SRRD: variants seen among roughly 807,000 people sequenced by gnomAD.
SRRD encodes SRR1 domain containing.
SRRD carries 28 observed loss-of-function variants against 30.7 expected under a neutral mutation model. The observed-to-expected ratio is 0.91, with a 90% CI of 0.68 to 1.25. The LOEUF is 1.25. SRRD is among the 50% of genes most tolerant of loss of function. The pLI, the probability that SRRD is intolerant of heterozygous loss-of-function variation, is 0.00. For synonymous variants in SRRD, 161 were observed against 159.6 expected (o/e 1.01, Z -0.07); for missense variants, 415 against 417.3 (o/e 0.99, Z 0.05).
chr22:26,494,582 CT>C lies in SRRD; in HGVS notation c.*2911del. On this transcript the variant is annotated 3_prime_UTR_variant, in exon 7 of 7. Transcript: ENST00000215917. The stretch of plus-strand genomic sequence containing the variant: ...TACCCCATAGGGTTGCTGAGAGGAG[CT>C]GAGATAAAGCAAATAAAGTGCTTGG... 1 of 749,174 alleles carries C rather than the reference CT, an allele frequency of 1.3e-6. No individual in the cohort carries two copies. The highest frequency in any genetic ancestry group is 2.1e-6 in the Non-Finnish European group (1 of 471,934). 46.4% of individuals were successfully genotyped at this position (749,174 alleles called of 1,614,324 possible).
In SRRD at chr22:26,490,559, C is replaced by CTTTTTTTTTTTTTTTTTTTTTTTTTTTT. The variant is rs71192931; in HGVS notation, c.764+383_764+384insTTTTTTTTTTTTTTTTTTTTTTTTTTTT. ...ATGGGCACAATTACTGGAATATTTG[C>CTTTTTTTTTTTTTTTTTTTTTTTTTTTT]TTTTTTTTTTTTTTTTTTTTTTGAG... On this transcript the variant is annotated intron_variant, in intron 5 of 6. Coordinates refer to ENST00000215917, the MANE Select transcript of SRRD (RefSeq NM_001013694.3). 1.2e-4 allele frequency among the ~76,000 whole-genome samples: 6 copies of CTTTTTTTTTTTTTTTTTTTTTTTTTTTT among 51,846 alleles called. 2 individuals are homozygous for CTTTTTTTTTTTTTTTTTTTTTTTTTTTT. Among genetic ancestry groups the CTTTTTTTTTTTTTTTTTTTTTTTTTTTT allele is most frequent in the Admixed American group, 6.6e-4 (2 of 3,050 alleles). The allele number at this position is 51,846 out of a possible 152,430, so 34.0% of individuals were successfully genotyped here.
At chr22:26,485,467 G>A (rs1207282537) in intron 1 of SRRD, among the ~76,000 whole-genome samples, 1 of 152,072 alleles carries the variant, frequency 6.6e-6, no homozygotes, top group Non-Finnish European at 1.5e-5. Context: ...ACTTTCTTTT[G>A]CTCTGGGTCT....
At chr22:26,484,280 C>T (rs2091640760) in intron 1 of SRRD, among the ~76,000 whole-genome samples, 181 bp downstream of exon 1, 1 of 152,184 alleles carries the variant, frequency 6.6e-6, no homozygotes, top group African/African-American at 2.4e-5. Flanking sequence ...TAAAGGTCGT[C>T]TTTCCTTTTA....
chr22:26,483,936 G>T lies in SRRD; in HGVS notation c.46G>T (p.Ala16Ser). The T allele has an allele frequency of 1.5e-6, 2 of 1,352,138 alleles. No homozygotes were observed. Among genetic ancestry groups the T allele is most frequent in the Non-Finnish European group, 1.9e-6 (2 of 1,062,966 alleles). 83.8% of individuals were successfully genotyped at this position (1,352,138 alleles called of 1,614,324 possible). A position where few individuals can be genotyped will look rare whatever the true frequency, so the allele number is the denominator to read the frequency against. ...AAALESWQAA[A>S]PRKRRSAARR... ...GGCGCTGGAATCCTGGCAGGCGGCG[G>T]CTCCGCGGAAGAGGCGCTCCGCGGC... The change falls in exon 1 of 7, where the codon GCT (alanine) becomes TCT (serine). Residue 16 changes from alanine (A) to serine (S), a missense_variant. Coordinates refer to ENST00000215917, the MANE Select transcript of SRRD (RefSeq NM_001013694.3).
chr22:26,490,598 CTG>C lies in SRRD; in HGVS notation c.764+402_764+403del, dbSNP rs529279850. On this transcript the variant is annotated intron_variant, in intron 5 of 6. Transcript: ENST00000215917. Reference sequence around the variant, plus strand: ...TTTTTTTTTGAGATGGAGTCTCACTCTGTCCCCCCGGCTGGAGTGCAGTGGTA... The same window carrying C: ...TTTTTTTTTGAGATGGAGTCTCACTCTCCCCCCGGCTGGAGTGCAGTGGTA... Among the ~76,000 whole-genome samples, 309 of 78,670 alleles carry C rather than the reference CTG, an allele frequency of 3.9e-3. 2 individuals are homozygous for C. Among genetic ancestry groups the C allele is most frequent in the African/African-American group, 0.013 (286 of 22,792 alleles). The allele number at this position is 78,670 out of a possible 152,430, so 51.6% of individuals were successfully genotyped here.
chr22:26,489,275 A>T (rs926338812), intron 4 of SRRD, among the ~76,000 whole-genome samples: 8 of 152,052 alleles, frequency 5.3e-5, no homozygotes, highest in Non-Finnish European at 1.0e-4. Flanking sequence ...GACCAAGAAA[A>T]ATGGGAGCCA....
chr22:26,491,355 T>C, intron 6 of SRRD, 108 bp from the exon 7 acceptor site: 1 of 965,630 alleles, frequency 1.0e-6, no homozygotes. Flanking sequence ...TATTTGTTAT[T>C]TTTTTAAAAA....
At position 26,488,544 on chromosome 22, in the gene SRRD, C is replaced by G. The variant is rs934751664; in HGVS notation, c.609+56C>G. On this transcript the variant is annotated intron_variant, in intron 4 of 6. Transcript: ENST00000215917. ...TGTAAAAATCCTGACCAGACTCACC[C>G]CAGGCCCTGCCTGTGGACACCAGCA... 16 of 1,326,046 alleles carry G rather than the reference C, an allele frequency of 1.2e-5. No individual in the cohort carries two copies. The African/African-American group carries it at 2.2e-4, about 18-fold the overall frequency. The allele number at this position is 1,326,046 out of a possible 1,614,324, so 82.1% of individuals were successfully genotyped here.
In SRRD at chr22:26,494,102, T is replaced by C. The variant is rs2147119491; in HGVS notation, c.*2430T>C. On this transcript the variant is annotated 3_prime_UTR_variant, in exon 7 of 7. Transcript: ENST00000215917. ...ATTTACATGTGTAAAATCTGAAACT[T>C]GGGGCCAGGACATCCAAAATGGGAA... 1.9e-6 allele frequency: 3 copies of C among 1,607,420 alleles called. No individual in the cohort carries two copies. Among genetic ancestry groups the C allele is most frequent in the South Asian group, 2.2e-5 (2 of 90,480 alleles).
rs757535638 is a variant in SRRD, at chr22:26,483,964, G to C, written c.74G>C (p.Arg25Pro). The C allele has an allele frequency of 2.7e-5, 37 of 1,365,316 alleles. No individual in the cohort carries two copies. The highest frequency in any genetic ancestry group is 2.7e-4 in the Middle Eastern group (1 of 3,738). 84.6% of individuals were successfully genotyped at this position (1,365,316 alleles called of 1,614,324 possible). Residue 25 changes from arginine to proline, a missense_variant, in exon 1 of 7, where the codon CGA (arginine) becomes CCA (proline). Physicochemically the swap from Arg to Pro is moderately radical, Grantham distance 103. Coordinates refer to ENST00000215917, the MANE Select transcript of SRRD (RefSeq NM_001013694.3). ...AAPRKRRSAARRPRRREAAPR... is the reference protein window; with the variant it reads ...AAPRKRRSAAPRPRRREAAPR... ...CCGCGGAAGAGGCGCTCCGCGGCTC[G>C]ACGGCCGCGGCGGAGGGAGGCGGCG...
rs1024049441 is a variant in SRRD at position 26,485,411 on chromosome 22, G to A, written c.210-612G>A. Among the ~76,000 whole-genome samples, 8 of 152,302 alleles carry A rather than the reference G, an allele frequency of 5.3e-5. No homozygotes were observed. In the East Asian group the frequency reaches 1.5e-3, roughly 29 times the overall value. On this transcript the variant is annotated intron_variant, in intron 1 of 6. Transcript: ENST00000215917. ...CTGAACCCCATAATCACTGTCTCTG[G>A]CTGTGGCTTGTCAGTTTAAATCCAG...
At chr22:26,491,264 T>C (rs1480756856) in intron 6 of SRRD, 194 bp downstream of exon 6, 5 of 731,074 alleles carry the variant, frequency 6.8e-6, no homozygotes, top group Middle Eastern at 5.3e-4. Flanking sequence ...ATTTCCTTTA[T>C]TCTTAGTATC....
rs948250807 is a variant in SRRD at position 26,489,910 on chromosome 22, G to A, written c.610-134G>A. The A allele has an allele frequency of 1.5e-5, 14 of 914,948 alleles. No individual in the cohort carries two copies. In the East Asian group the frequency reaches 2.5e-4, roughly 16 times the overall value. The allele number at this position is 914,948 out of a possible 1,614,324, so 56.7% of individuals were successfully genotyped here. A position where few individuals can be genotyped will look rare whatever the true frequency, so the allele number is the denominator to read the frequency against. On this transcript the variant is annotated intron_variant, in intron 4 of 6. Coordinates refer to ENST00000215917, the MANE Select transcript of SRRD (RefSeq NM_001013694.3). ...ATAGATTTCATATACGAGTGTAACT[G>A]TTCCACAAAATGAGCTTTTTTCCTT... is the stretch of plus-strand genomic sequence containing the variant.
intron 5 of SRRD, among the ~76,000 whole-genome samples, chr22:26,490,479 G>A (rs969406670): frequency 1.4e-5 from 2 of 147,954 alleles, no homozygotes; most frequent in Admixed American, 6.8e-5. Context: ...ACAGCTCCAC[G>A]TCCTCATTCT....
chr22:26,490,280 C>A, intron 5 of SRRD, 82 bp downstream of exon 5: 1 of 1,479,168 alleles, frequency 6.8e-7, no homozygotes, highest in Non-Finnish European at 9.3e-7. Context: ...GAAAACATTT[C>A]CTTGACGATT....
chr22:26,491,193 C>A (rs1921128991), intron 6 of SRRD, 123 bp downstream of exon 6: 5 of 984,040 alleles, frequency 5.1e-6, no homozygotes, highest in Non-Finnish European at 7.7e-6. Flanking sequence ...TGTCAGCTCT[C>A]TCCATGGGTC....
At position 26,492,289 on chromosome 22, in the gene SRRD, C is replaced by A; in HGVS notation, c.*617C>A. 1.2e-6 allele frequency: 2 copies of A among 1,614,224 alleles called. No individual in the cohort carries two copies. The highest frequency in any genetic ancestry group is 1.1e-5 in the South Asian group (1 of 91,084). On this transcript the variant is annotated 3_prime_UTR_variant, in exon 7 of 7. Coordinates refer to ENST00000215917, the MANE Select transcript of SRRD (RefSeq NM_001013694.3). ...CAGCCTCCCGCCTCTCCTGCATGGC[C>A]TCGTACTGGAAGTCCTTCCTCCGCT...
rs915576147 is a variant in SRRD at position 26,492,301 on chromosome 22, G to T, written c.*629G>T. Reference sequence around the variant, plus strand: ...TCTCCTGCATGGCCTCGTACTGGAAGTCCTTCCTCCGCTCCGTGTGGGTGA... The same window carrying T: ...TCTCCTGCATGGCCTCGTACTGGAATTCCTTCCTCCGCTCCGTGTGGGTGA... On this transcript the variant is annotated 3_prime_UTR_variant, in exon 7 of 7. Transcript: ENST00000215917. The T allele has an allele frequency of 7.4e-6, 12 of 1,614,074 alleles. No individual in the cohort carries two copies. The highest frequency in any genetic ancestry group is 2.7e-5 in the African/African-American group (2 of 74,918).
At chr22:26,490,971 A>G in intron 5 of SRRD, 54 bp from the exon 6 acceptor site, 1 of 1,486,494 alleles carries the variant, frequency 6.7e-7, no homozygotes, top group Admixed American at 1.8e-5. Context: ...CTATCCTCAT[A>G]CCTCCTAATC....
Sources: allele counts gnomAD v4.1 joint callset (sites outside exome capture counted in the v4.1 genomes callset), GRCh38; gene constraint gnomAD v4.1.1; transcripts MANE v1.5; gene names NCBI Gene and HGNC (gene_info 2026-07-23, HGNC 2026-07-21).